The following ATP6V0A4 variants were observed in gnomAD, a reference collection of about 807,000 sequenced individuals.
ATP6V0A4 encodes ATPase H+ transporting V0 subunit a4.
Under a neutral mutation model 107.3 loss-of-function variants are expected in ATP6V0A4, and 86 were observed. The observed-to-expected ratio is 0.80, with a 90% confidence interval of 0.67 to 0.96. ATP6V0A4 has a LOEUF of 0.96. Among genes scored for constraint, ATP6V0A4 ranks in the 40% least tolerant of loss-of-function variants. The pLI, the probability that ATP6V0A4 is intolerant of heterozygous loss-of-function variation, is 0.00. For synonymous variants in ATP6V0A4, 353 were observed against 381.4 expected, an observed-to-expected ratio of 0.93 and a Z score of 0.87; for missense variants, 908 against 1,045.6, an observed-to-expected ratio of 0.87 and a Z score of 1.81.
At chr7:138,787,535 C>G (rs117190462) in intron 1 of ATP6V0A4, among the ~76,000 whole-genome samples, 1 of 152,000 alleles carries the variant, frequency 6.6e-6, no homozygotes, top group East Asian at 1.9e-4. Context: ...ACCTGTAGCC[C>G]GAGCTACTAA....
At chr7:138,707,073 T>TGTGTGTGTGTGTGTGC in intron 21 of ATP6V0A4, among the ~76,000 whole-genome samples, 1 of 111,040 alleles carries the variant, frequency 9.0e-6, no homozygotes, top group African/African-American at 3.7e-5. Flanking sequence ...TTTATATGTG[T>TGTGTGTGTGTGTGTGC]GTGTGTGTGT....
chr7:138,737,995 C>G (rs1805434157), intron 15 of ATP6V0A4, among the ~76,000 whole-genome samples: 1 of 142,558 alleles, frequency 7.0e-6, no homozygotes, highest in Non-Finnish European at 1.5e-5. Context: ...CTCCTGACCT[C>G]AAGTGATCCA....
At chr7:138,747,617 C>G in intron 12 of ATP6V0A4, 53 bp from the exon 13 acceptor site, 3 of 1,602,666 alleles carry the variant, frequency 1.9e-6, no homozygotes, top group Admixed American at 3.4e-5. Context: ...CTCGGGGCCC[C>G]CACCTCAGAT....
chr7:138,706,834 G>GA (rs1803392695), intron 21 of ATP6V0A4, 117 bp from the exon 22 acceptor site: 1 of 1,517,412 alleles, frequency 6.6e-7, no homozygotes, highest in Non-Finnish European at 8.8e-7. Context: ...CACAAAGTCA[G>GA]AAGGGTTGGC....
intron 10 of ATP6V0A4, among the ~76,000 whole-genome samples, chr7:138,754,719 T>C (rs1584928610): frequency 6.6e-6 from 1 of 151,812 alleles, no homozygotes. Flanking sequence ...GCCTCTCAGG[T>C]TCAAACGATT....
At chr7:138,757,183 T>C (rs1156678156) in intron 8 of ATP6V0A4, among the ~76,000 whole-genome samples, 3 of 152,200 alleles carry the variant, frequency 2.0e-5, no homozygotes, top group Non-Finnish European at 4.4e-5. Context: ...AACAATGCAT[T>C]CTTCCAATCT....
intron 18 of ATP6V0A4, among the ~76,000 whole-genome samples, chr7:138,723,419 T>C (rs1040267654): frequency 6.6e-6 from 1 of 152,128 alleles, no homozygotes; most frequent in African/African-American, 2.4e-5. Flanking sequence ...TTCTTTCAAG[T>C]CACCATGAAG....
At chr7:138,752,584 G>C (rs1345669280) in intron 11 of ATP6V0A4, 41 bp downstream of exon 11, 2 of 1,609,126 alleles carry the variant, frequency 1.2e-6, no homozygotes, top group Non-Finnish European at 1.7e-6. Context: ...CAGCAGAGGG[G>C]CTGACTCATC....
intron 15 of ATP6V0A4, 122 bp from the exon 16 acceptor site, chr7:138,734,376 A>G (rs1216062108): frequency 1.3e-6 from 2 of 1,504,808 alleles, no homozygotes; most frequent in Non-Finnish European, 1.8e-6. Flanking sequence ...TTCATATTTC[A>G]GTCCAGCTCA....
intron 8 of ATP6V0A4, among the ~76,000 whole-genome samples, chr7:138,757,851 T>C (rs296909): frequency 0.67 from 102,239 of 152,062 alleles, 35,182 homozygotes; most frequent in African/African-American, 0.84. Flanking sequence ...ACACAATAGA[T>C]ATTCCTTAAA....
intron 14 of ATP6V0A4, among the ~76,000 whole-genome samples, chr7:138,740,776 G>A (rs1031462715): frequency 1.3e-5 from 2 of 151,904 alleles, no homozygotes; most frequent in African/African-American, 4.8e-5. Flanking sequence ...AGCCTTAAGG[G>A]GATGAGAATG....
intron 7 of ATP6V0A4, among the ~76,000 whole-genome samples, chr7:138,760,442 C>G (rs1806746604): frequency 1.5e-5 from 1 of 67,580 alleles, no homozygotes; most frequent in African/African-American, 9.2e-5. Context: ...GAAACTCTGT[C>G]TCAAAAAAAA....
At chr7:138,717,803 G>A (rs1272713409) in intron 19 of ATP6V0A4, among the ~76,000 whole-genome samples, 2 of 151,214 alleles carry the variant, frequency 1.3e-5, no homozygotes, top group Non-Finnish European at 2.9e-5. Flanking sequence ...AGCTACTTGG[G>A]AGGCTGAGGC....
At position 138,728,787 on chromosome 7, in the gene ATP6V0A4, G is replaced by A; in HGVS notation, c.1984C>T (p.Leu662Phe). The change falls in exon 18 of 22, where the codon CTT becomes TTT. Residue 662 changes from leucine (L) to phenylalanine (F), a missense_variant. Transcript: ENST00000310018. ...TGGGATTTCCGATGACTGGCTCTAAGAATAAACGGCTTAATCAGAAGCATC... is the reference window on the plus strand; with the variant it reads ...TGGGATTTCCGATGACTGGCTCTAAAAATAAACGGCTTAATCAGAAGCATC... Reference protein sequence around the residue: ...PWMLLIKPFILRASHRKSQLQ... With the variant: ...PWMLLIKPFIFRASHRKSQLQ... The A allele has an allele frequency of 6.2e-7, 1 of 1,614,140 alleles. No individual in the cohort carries two copies. Among genetic ancestry groups the A allele is most frequent in the Non-Finnish European group, 8.5e-7 (1 of 1,180,038 alleles).
At chr7:138,775,644 ATTTTTTTTTTTT>A (rs36128448) in intron 2 of ATP6V0A4, among the ~76,000 whole-genome samples, 2 of 89,078 alleles carry the variant, frequency 2.2e-5, no homozygotes, top group African/African-American at 9.2e-5. Flanking sequence ...GATTGGGCTG[ATTTTTTTTTTTT>A]TTTTTTTTTT....
intron 1 of ATP6V0A4, among the ~76,000 whole-genome samples, chr7:138,794,131 T>C (rs1238211746): frequency 6.6e-6 from 1 of 152,072 alleles, no homozygotes; most frequent in Non-Finnish European, 1.5e-5. Context: ...ATCTAGATGT[T>C]TCGGTCCCAC....
At chr7:138,796,553 A>G (rs1808672427) in intron 1 of ATP6V0A4, among the ~76,000 whole-genome samples, 1 of 152,112 alleles carries the variant, frequency 6.6e-6, no homozygotes, top group African/African-American at 2.4e-5. Context: ...GTGCACACAG[A>G]CGATTCCCTC....
At chr7:138,707,233 A>AAT (rs1491469884) in intron 21 of ATP6V0A4, among the ~76,000 whole-genome samples, 1 of 70,326 alleles carries the variant, frequency 1.4e-5, no homozygotes, top group East Asian at 3.0e-4. Context: ...TATATTATAT[A>AAT]ATATATATTA....
At chr7:138,787,245 T>C (rs1384432049) in intron 1 of ATP6V0A4, among the ~76,000 whole-genome samples, 3 of 152,200 alleles carry the variant, frequency 2.0e-5, no homozygotes, top group Non-Finnish European at 4.4e-5. Context: ...AAACCCTTTC[T>C]GGGCATCACG....
Sources: allele counts gnomAD v4.1 joint callset (sites outside exome capture counted in the v4.1 genomes callset), GRCh38; gene constraint gnomAD v4.1.1; transcripts MANE v1.5; gene names NCBI Gene and HGNC (gene_info 2026-07-23, HGNC 2026-07-21).